Variants in NOX1 observed in about 807,000 individuals in gnomAD.
NOX1 encodes NADH/NADPH mitogenic oxidase subunit P65-MOX.
NOX1 carries 34 observed loss-of-function variants against 42.5 expected under a neutral mutation model. The ratio of observed to expected loss-of-function variants is 0.80; its 90% CI spans 0.61 to 1.07. NOX1 has a LOEUF of 1.07. NOX1 is among the 50% of genes least tolerant of loss of function. The pLI is 0.00. For synonymous variants in NOX1, 143 were observed against 152.5 expected (o/e 0.94, Z 0.46); for missense variants, 408 against 427.0 (o/e 0.96, Z 0.39).
chrX:100,872,831 A>G (rs892816071), intron 1 of NOX1, among the ~76,000 whole-genome samples: 4 of 110,427 alleles, frequency 3.6e-5, no homozygotes, highest in Non-Finnish European at 7.6e-5. Flanking sequence ...GAGATCACCC[A>G]GTTAGTAGCA....
At chrX:100,856,161 C>A in intron 7 of NOX1, 1 of 914,565 alleles carries the variant, frequency 1.1e-6, no homozygotes. Flanking sequence ...TGTGGCCTTG[C>A]GTTCGTGGCT....
intron 12 of NOX1, among the ~76,000 whole-genome samples, chrX:100,847,493 G>A (rs1285467306): frequency 1.8e-5 from 2 of 110,698 alleles, no homozygotes; most frequent in African/African-American, 3.3e-5. Flanking sequence ...GGCGGGGCTT[G>A]GTGGATCATG....
intron 7 of NOX1, among the ~76,000 whole-genome samples, chrX:100,853,261 C>CCTTCCTTTCTTTCTTTCTTT (rs1491397505): frequency 1.3e-4 from 3 of 23,433 alleles, no homozygotes. Flanking sequence ...TTCCTTCCTT[C>CCTTCCTTTCTTTCTTTCTTT]CTTTCTTTCT....
intron 7 of NOX1, among the ~76,000 whole-genome samples, chrX:100,861,926 C>T (rs1465430125): frequency 2.7e-5 from 3 of 112,072 alleles, no homozygotes; most frequent in Non-Finnish European, 5.6e-5. Context: ...ATCATTATTA[C>T]CTTTGCAGAG....
At chrX:100,855,009 T>A (rs1183116248) in intron 7 of NOX1, among the ~76,000 whole-genome samples, 1 of 111,449 alleles carries the variant, frequency 9.0e-6, no homozygotes, top group African/African-American at 3.3e-5. Context: ...TATAGCAATT[T>A]TTTGCATGGG....
At chrX:100,864,058 C>T (rs1225334914) in intron 2 of NOX1, among the ~76,000 whole-genome samples, 1 of 111,716 alleles carries the variant, frequency 9.0e-6, no homozygotes, top group Admixed American at 9.5e-5. Context: ...GGCGAGATAT[C>T]GGCTCACTGC....
At chrX:100,853,115 T>A (rs1014508623) in intron 7 of NOX1, among the ~76,000 whole-genome samples, 7 of 111,131 alleles carry the variant, frequency 6.3e-5, no homozygotes, top group African/African-American at 2.3e-4. Context: ...GATAAATAAT[T>A]AAGGTGTGAA....
rs1268841329 is a variant in NOX1, at chrX:100,843,643, ACT to A, written c.*307_*308del. ...AAAATCACCTGGGATTAGTTGTATA[ACT>A]CTGAACCACCAAACCTCTGCTATCA... is the stretch of plus-strand genomic sequence containing the variant. On this transcript the variant is annotated 3_prime_UTR_variant, in exon 13 of 13. Coordinates refer to ENST00000372966, the MANE Select transcript of NOX1 (RefSeq NM_007052.5). 1.8e-5 allele frequency: 8 copies of A among 438,141 alleles called. No homozygotes were observed. The highest frequency in any genetic ancestry group is 5.1e-5 in the African/African-American group (2 of 38,855). The allele number at this position is 438,141 out of a possible 1,213,427, so 36.1% of individuals were successfully genotyped here.
chrX:100,873,369 T>C (rs1289643869), intron 1 of NOX1, among the ~76,000 whole-genome samples: 1 of 111,693 alleles, frequency 9.0e-6, no homozygotes, highest in African/African-American at 3.3e-5. Flanking sequence ...TTATTTTCCT[T>C]TGTACAATCA....
chrX:100,856,433 G>A (rs771274065), intron 7 of NOX1: 85 of 460,572 alleles, frequency 1.8e-4, no homozygotes, highest in Non-Finnish European at 1.2e-4. Flanking sequence ...GCGTACACGG[G>A]CGGAAAGGCA....
intron 6 of NOX1, 24 bp from the exon 7 acceptor site, chrX:100,862,327 T>A: frequency 8.3e-7 from 1 of 1,211,284 alleles, no homozygotes; most frequent in Non-Finnish European, 1.1e-6. Context: ...AGAAGGATGG[T>A]TTGGGACAAA....
chrX:100,844,462 C>A (rs1444765896), intron 12 of NOX1, among the ~76,000 whole-genome samples: 1 of 111,444 alleles, frequency 9.0e-6, no homozygotes, highest in Non-Finnish European at 1.9e-5. Flanking sequence ...GAGATGGAGT[C>A]TTGCTCTGTC....
At chrX:100,847,353 T>C (rs1379555338) in intron 12 of NOX1, among the ~76,000 whole-genome samples, 1 of 111,791 alleles carries the variant, frequency 8.9e-6, no homozygotes, top group East Asian at 2.8e-4. Flanking sequence ...TGCATTATTC[T>C]GCTTTGAGGT....
intron 1 of NOX1, among the ~76,000 whole-genome samples, chrX:100,871,887 A>G: frequency 8.9e-6 from 1 of 112,046 alleles, no homozygotes; most frequent in East Asian, 2.8e-4. Flanking sequence ...TTAAAGTGTG[A>G]TATTGGAGTC....
chrX:100,853,433 T>TCTTCCTTCCTTCC (rs1569445832), intron 7 of NOX1, among the ~76,000 whole-genome samples: 2 of 101,267 alleles, frequency 2.0e-5, no homozygotes, highest in Non-Finnish European at 4.0e-5. Context: ...CTTTTTTTTT[T>TCTTCCTTCCTTCC]TTGACAGAGT....
At chrX:100,853,204 A>G (rs1047136131) in intron 7 of NOX1, among the ~76,000 whole-genome samples, 1 of 109,210 alleles carries the variant, frequency 9.2e-6, no homozygotes, top group South Asian at 4.0e-4. Flanking sequence ...TACCATACAC[A>G]TATTTTCCTT....
At chrX:100,870,866 G>A in intron 1 of NOX1, 52 bp from the exon 2 acceptor site, 1 of 808,180 alleles carries the variant, frequency 1.2e-6, no homozygotes. Flanking sequence ...TTGAGTATGG[G>A]AAGGAGTAAA....
intron 2 of NOX1, among the ~76,000 whole-genome samples, chrX:100,868,628 C>T (rs2085253822): frequency 1.8e-5 from 2 of 111,080 alleles, no homozygotes; most frequent in East Asian, 2.8e-4. Context: ...ATGAGACTCC[C>T]CTAAGTATCC....
Position 100,864,891 on chromosome X carries a change from T to C in NOX1, c.142-1296A>G, listed in dbSNP as rs189708004. ...TTCTGCTGACTGGCCAGCCTTACAT[T>C]GTGTGCCTGTCAAAGACTTTCTAAA... On this transcript the variant is annotated intron_variant, in intron 2 of 12. Transcript: ENST00000372966. 4.8e-3 allele frequency among the ~76,000 whole-genome samples: 539 copies of C among 112,300 alleles called. 1 individual carries two copies. Among genetic ancestry groups the C allele is most frequent in the African/African-American group, 0.017 (520 of 30,947 alleles).
Sources: allele counts gnomAD v4.1 joint callset (sites outside exome capture counted in the v4.1 genomes callset), GRCh38; gene constraint gnomAD v4.1.1; transcripts MANE v1.5; gene names NCBI Gene and HGNC (gene_info 2026-07-23, HGNC 2026-07-21).